RMI1: variants seen among roughly 807,000 people sequenced by gnomAD.
RMI1 encodes the protein recQ-mediated genome instability protein 1.
A neutral mutation model predicts 46.7 loss-of-function variants in RMI1; 36 were observed. The ratio of observed to expected loss-of-function variants is 0.77; its 90% CI spans 0.59 to 1.02. The LOEUF is 1.02. Ranked by LOEUF, RMI1 falls within the 50% of genes least tolerant of loss-of-function variation. RMI1 has a pLI of 0.00. For synonymous variants in RMI1, 250 were observed against 252.9 expected (o/e 0.99, Z 0.11); for missense variants, 676 against 713.7 (o/e 0.95, Z 0.60).
rs1235287687 is a variant in RMI1, at chr9:84,003,167, T to TTGA, written c.*304_*306dup. ...CAAGCGATCCTCCTGCCTTAGCCTC[T>TTGA]TGAGTTGCTGGGACTATAGGCATGT... is the stretch of plus-strand genomic sequence containing the variant. On this transcript the variant is annotated 3_prime_UTR_variant, in exon 3 of 3. Coordinates refer to ENST00000445877, the MANE Select transcript of RMI1 (RefSeq NM_001358291.2). 5.0e-6 allele frequency: 1 copy of TTGA among 201,398 alleles called. No individual in the cohort carries two copies. Among genetic ancestry groups the TTGA allele is most frequent in the East Asian group, 1.2e-4 (1 of 8,072 alleles). 12.5% of individuals were successfully genotyped at this position (201,398 alleles called of 1,614,324 possible).
Position 84,002,395 on chromosome 9 carries a change from C to T in RMI1, c.1409C>T (p.Ser470Phe), listed in dbSNP as rs763837312. 1 of 1,612,586 alleles carries T rather than the reference C, an allele frequency of 6.2e-7. No individual in the cohort carries two copies. The highest frequency in any genetic ancestry group is 1.3e-5 in the African/African-American group (1 of 74,942). ...AATGATTGTAATTTACAGAGTTGTT[C>T]TTTAAGATCATCAGAGAATAGCATT... ...NENDCNLQSC[S>F]LRSSENSINL... The change falls in exon 3 of 3, where the codon TCT becomes TTT. Residue 470 changes from serine to phenylalanine, a missense_variant. Ser to Phe is a radical substitution (Grantham distance 155). Transcript: ENST00000445877.
intron 1 of RMI1, among the ~76,000 whole-genome samples, chr9:83,984,145 T>G (rs1341561464): frequency 6.6e-6 from 1 of 152,232 alleles, no homozygotes; most frequent in Non-Finnish European, 1.5e-5. Flanking sequence ...TCACTTAATT[T>G]GTAAAGATCA....
At chr9:83,997,540 G>T (rs1361188468) in intron 1 of RMI1, among the ~76,000 whole-genome samples, 1 of 152,084 alleles carries the variant, frequency 6.6e-6, no homozygotes, top group African/African-American at 2.4e-5. Flanking sequence ...AGTGAGGAGG[G>T]CTCCGCACCC....
chr9:84,000,830 C>T (rs6559754), intron 2 of RMI1, 121 bp from the exon 3 acceptor site: 1 of 540,846 alleles, frequency 1.8e-6, no homozygotes, highest in Non-Finnish European at 3.2e-6. Context: ...CAATTTCGAC[C>T]ATGTAAGATG....
chr9:83,994,529 C>T (rs1957622059), intron 1 of RMI1, among the ~76,000 whole-genome samples: 1 of 152,154 alleles, frequency 6.6e-6, no homozygotes, highest in Non-Finnish European at 1.5e-5. Context: ...GTCCAGTTTT[C>T]TCAACACCAT....
rs1282517965 is a variant in RMI1, at chr9:84,003,992, G to GTGGTAAT, written c.*1129_*1130insGGTAATT. ...TATAAAGTTGTATTTGAAAGGTAAT[G>GTGGTAAT]TTGTTTTTATTAATCTTTTGTCTTA... is the stretch of plus-strand genomic sequence containing the variant. On this transcript the variant is annotated 3_prime_UTR_variant, in exon 3 of 3. Coordinates refer to ENST00000445877, the MANE Select transcript of RMI1 (RefSeq NM_001358291.2). 6.1e-6 allele frequency: 1 copy of GTGGTAAT among 162,768 alleles called. No individual in the cohort carries two copies. The highest frequency in any genetic ancestry group is 2.4e-5 in the African/African-American group (1 of 41,392). 10.1% of individuals were successfully genotyped at this position (162,768 alleles called of 1,614,324 possible).
Position 84,003,047 on chromosome 9 carries a change from T to A in RMI1, c.*183T>A. 2.4e-3 allele frequency: 5 copies of A among 2,092 alleles called. No individual in the cohort carries two copies. The highest frequency in any genetic ancestry group is 8.8e-3 in the Non-Finnish European group (4 of 456). The allele number at this position is 2,092 out of a possible 1,614,324, so 0.1% of individuals were successfully genotyped here. On this transcript the variant is annotated 3_prime_UTR_variant, in exon 3 of 3. Transcript: ENST00000445877. ...TGGAGCTTTTGAAAATAAGTTAATCTTTTTTTTTTTTTTTTTAATGTCAGG... is the reference window on the plus strand; with the variant it reads ...TGGAGCTTTTGAAAATAAGTTAATCATTTTTTTTTTTTTTTTAATGTCAGG...
intron 2 of RMI1, among the ~76,000 whole-genome samples, 153 bp downstream of exon 2, chr9:83,999,950 TTAAA>T (rs1285218872): frequency 6.6e-6 from 1 of 152,226 alleles, no homozygotes; most frequent in African/African-American, 2.4e-5. Flanking sequence ...AAATCAGAAG[TTAAA>T]TATTTATATA....
At position 83,986,865 on chromosome 9, in the gene RMI1, A is replaced by G. The variant is rs554390709; in HGVS notation, c.-126+5974A>G. Among the ~76,000 whole-genome samples, 9 of 152,330 alleles carry G rather than the reference A, an allele frequency of 5.9e-5. No homozygotes were observed. The South Asian group carries it at 1.9e-3, about 32-fold the overall frequency. On this transcript the variant is annotated intron_variant, in intron 1 of 2. Transcript: ENST00000445877. ...CTGATTCATTTCTTTTGAAGTTTCA[A>G]AGTCAACTGAAAGTACACTTTGTCC...
At chr9:83,984,313 A>G (rs946674313) in intron 1 of RMI1, among the ~76,000 whole-genome samples, 2 of 143,544 alleles carry the variant, frequency 1.4e-5, no homozygotes, top group South Asian at 2.2e-4. Context: ...CTTGTTGCCT[A>G]TGCTGGAGTG....
Position 84,003,515 on chromosome 9 carries a change from C to G in RMI1, c.*651C>G, listed in dbSNP as rs145325676. The G allele has an allele frequency of 3.0e-5, 5 of 166,702 alleles. No individual in the cohort carries two copies. The Admixed American group carries it at 3.3e-4, about 11-fold the overall frequency. The allele number at this position is 166,702 out of a possible 1,614,324, so 10.3% of individuals were successfully genotyped here. A position where few individuals can be genotyped will look rare whatever the true frequency, so the allele number is the denominator to read the frequency against. ...TATGTTGGTACTGTCTATGGCCATA[C>G]CACCCTGAACATGCCTGAGCTTGTC... On this transcript the variant is annotated 3_prime_UTR_variant, in exon 3 of 3. Transcript: ENST00000445877.
intron 1 of RMI1, among the ~76,000 whole-genome samples, chr9:83,989,928 A>G (rs904463579): frequency 6.6e-6 from 1 of 152,218 alleles, no homozygotes; most frequent in African/African-American, 2.4e-5. Context: ...AGTTTCCAAG[A>G]TACGGAAAAA....
In RMI1 at chr9:83,980,881, GGGA is replaced by G. The variant is rs1957366234; in HGVS notation, c.-135_-133del. On this transcript the variant is annotated 5_prime_UTR_variant, in exon 1 of 3. Coordinates refer to ENST00000445877, the MANE Select transcript of RMI1 (RefSeq NM_001358291.2). The stretch of plus-strand genomic sequence containing the variant: ...GACCGATGTTGCGCGAGGAAAATGC[GGGA>G]CGCCCAGGTCGGTGCTCGGCCCAGA... The G allele has an allele frequency of 6.6e-6, 1 of 152,380 alleles. No homozygotes were observed. The highest frequency in any genetic ancestry group is 6.5e-5 in the Admixed American group (1 of 15,288). The allele number at this position is 152,380 out of a possible 1,614,324, so 9.4% of individuals were successfully genotyped here. A position where few individuals can be genotyped will look rare whatever the true frequency, so the allele number is the denominator to read the frequency against.
At chr9:83,991,731 C>T (rs181613199) in intron 1 of RMI1, among the ~76,000 whole-genome samples, 9 of 152,250 alleles carry the variant, frequency 5.9e-5, no homozygotes, top group Admixed American at 4.6e-4. Context: ...CTCTGTGATC[C>T]ATTTTGAGGT....
chr9:83,998,137 C>T (rs1281718047), intron 1 of RMI1, among the ~76,000 whole-genome samples: 1 of 152,090 alleles, frequency 6.6e-6, no homozygotes, highest in Non-Finnish European at 1.5e-5. Flanking sequence ...AGAGAGCTGG[C>T]GTGGAGATTT....
chr9:83,981,588 C>G (rs1957397431), intron 1 of RMI1, among the ~76,000 whole-genome samples: 1 of 152,180 alleles, frequency 6.6e-6, no homozygotes, highest in Non-Finnish European at 1.5e-5. Flanking sequence ...GGGAAATCTC[C>G]AGCCCTGGTA....
At position 84,001,587 on chromosome 9, in the gene RMI1, T is replaced by A. The variant is rs773027542; in HGVS notation, c.601T>A (p.Tyr201Asn). 1.2e-6 allele frequency: 2 copies of A among 1,614,028 alleles called. No homozygotes were observed. The highest frequency in any genetic ancestry group is 3.3e-5 in the Admixed American group (2 of 60,004). ...GGEVDALLEE[Y>N]AQEKVLARLI... ...TGAAGTAGATGCTCTTTTAGAAGAATATGCCCAAGAAAAAGTACTTGCAAG... is the reference window on the plus strand; with the variant it reads ...TGAAGTAGATGCTCTTTTAGAAGAAAATGCCCAAGAAAAAGTACTTGCAAG... The change falls in exon 3 of 3, where the codon TAT becomes AAT. Residue 201 changes from tyrosine to asparagine, a missense_variant. Physicochemically the swap from Tyr to Asn is moderately radical, Grantham distance 143 (BLOSUM62 -2). Coordinates refer to ENST00000445877, the MANE Select transcript of RMI1 (RefSeq NM_001358291.2).
chr9:83,992,484 A>G (rs1957589136), intron 1 of RMI1, among the ~76,000 whole-genome samples: 1 of 152,044 alleles, frequency 6.6e-6, no homozygotes, highest in Non-Finnish European at 1.5e-5. Flanking sequence ...AAAAAAGCAT[A>G]AAAACATGGC....
intron 1 of RMI1, among the ~76,000 whole-genome samples, chr9:83,995,992 T>C (rs775120662): frequency 1.3e-5 from 2 of 152,232 alleles, no homozygotes; most frequent in African/African-American, 2.4e-5. Flanking sequence ...AGATGTTTCA[T>C]TTAAAAAACT....
Sources: allele counts gnomAD v4.1 joint callset (sites outside exome capture counted in the v4.1 genomes callset), GRCh38; gene constraint gnomAD v4.1.1; transcripts MANE v1.5; gene names NCBI Gene and HGNC (gene_info 2026-07-23, HGNC 2026-07-21).